Variants in WWOX observed in about 807,000 individuals in gnomAD.
WWOX encodes WW domain containing oxidoreductase.
Under a neutral mutation model 46.2 loss-of-function variants are expected in WWOX, and 69 were observed. The observed-to-expected ratio is 1.49, with a 90% CI of 1.23 to 1.82. The LOEUF is 1.82. Among genes scored for constraint, WWOX ranks in the 40% most tolerant of loss-of-function variants. The probability of loss-of-function intolerance (pLI) is 0.00; values close to 1 mark genes in which losing one functional copy is unlikely to be tolerated. For missense variants in WWOX, 919 were observed against 542.6 expected (o/e 1.69, Z -6.89); for synonymous variants, 359 against 202.6 (o/e 1.77, Z -6.56).
intron 8 of WWOX, among the ~76,000 whole-genome samples, chr16:78,773,574 A>G (rs998079090): frequency 6.6e-6 from 1 of 152,220 alleles, no homozygotes; most frequent in Non-Finnish European, 1.5e-5. Context: ...GCTCTCACTT[A>G]TTCATAGCTC....
Position 79,212,356 on chromosome 16 carries a change from C to T in WWOX, c.*560C>T. ...AGCCAGTGAGGATGACAGTGACACC[C>T]AGAGGGAGTAGAATACGCAGAACTA... On this transcript the variant is annotated 3_prime_UTR_variant, in exon 9 of 9. Coordinates refer to ENST00000566780, the MANE Select transcript of WWOX (RefSeq NM_016373.4). 1 of 592,716 alleles carries T rather than the reference C, an allele frequency of 1.7e-6. No individual in the cohort carries two copies. 36.7% of individuals were successfully genotyped at this position (592,716 alleles called of 1,614,324 possible).
At chr16:78,842,680 A>G (rs2052189504) in intron 8 of WWOX, among the ~76,000 whole-genome samples, 1 of 152,090 alleles carries the variant, frequency 6.6e-6, no homozygotes, top group African/African-American at 2.4e-5. Flanking sequence ...CCAGGGAAAC[A>G]TAGTGTGACC....
At chr16:78,648,564 G>T (rs541384225) in intron 8 of WWOX, among the ~76,000 whole-genome samples, 1 of 152,142 alleles carries the variant, frequency 6.6e-6, no homozygotes, top group Non-Finnish European at 1.5e-5. Context: ...GACTTGGTCA[G>T]TAATGCCCAT....
At chr16:78,900,546 C>T (rs1484737258) in intron 8 of WWOX, among the ~76,000 whole-genome samples, 1 of 152,118 alleles carries the variant, frequency 6.6e-6, no homozygotes, top group Middle Eastern at 3.2e-3. Flanking sequence ...GCAGAGGTTC[C>T]AATTTGGATA....
At chr16:78,120,938 AT>A (rs1431846436) in intron 4 of WWOX, among the ~76,000 whole-genome samples, 1 of 150,952 alleles carries the variant, frequency 6.6e-6, no homozygotes, top group African/African-American at 2.4e-5. Context: ...CCATACCTAA[AT>A]GTTACTAAAT....
chr16:78,751,291 C>G lies in WWOX; in HGVS notation c.1056+318539C>G, dbSNP rs116223636. Reference sequence around the variant, plus strand: ...AAACTTTATGAATTATTTCTGACATCTAGCATTAAATTTAGCTGGGTTTCC... The same window carrying G: ...AAACTTTATGAATTATTTCTGACATGTAGCATTAAATTTAGCTGGGTTTCC... On this transcript the variant is annotated intron_variant, in intron 8 of 8. Transcript: ENST00000566780. Among the ~76,000 whole-genome samples the G allele has an allele frequency of 7.1e-3, 1,082 of 151,474 alleles. 7 individuals are homozygous for G. Among genetic ancestry groups the G allele is most frequent in the African/African-American group, 0.024 (982 of 41,342 alleles).
rs66479410 is a variant in WWOX at position 78,945,645 on chromosome 16, A to ATT, written c.1057-265955_1057-265954dup. ...CTGACTACTGGTTTTATTTCTAAGG[A>ATT]TTTTTTTTTAAGTTGGCATCTTTTT... On this transcript the variant is annotated intron_variant, in intron 8 of 8. Coordinates refer to ENST00000566780, the MANE Select transcript of WWOX (RefSeq NM_016373.4). Among the ~76,000 whole-genome samples the ATT allele has an allele frequency of 6.2e-3, 945 of 151,262 alleles. 13 individuals are homozygous for ATT. The highest frequency in any genetic ancestry group is 0.021 in the African/African-American group (852 of 41,198).
intron 8 of WWOX, among the ~76,000 whole-genome samples, chr16:78,538,004 G>T (rs181926360): frequency 1.2e-3 from 180 of 152,088 alleles, no homozygotes; most frequent in African/African-American, 4.0e-3. Flanking sequence ...TCTTGAAAAC[G>T]GAAAAGATGA....
At chr16:79,075,541 C>G (rs1343507795) in intron 8 of WWOX, among the ~76,000 whole-genome samples, 1 of 49,808 alleles carries the variant, frequency 2.0e-5, no homozygotes. Context: ...TTTTTCCTTT[C>G]TCTCTCTCTC....
chr16:78,704,029 T>G (rs1324904390), intron 8 of WWOX, among the ~76,000 whole-genome samples: 1 of 152,176 alleles, frequency 6.6e-6, no homozygotes, highest in Non-Finnish European at 1.5e-5. Context: ...CCATCACCCC[T>G]ATCCATCTCC....
At chr16:78,609,438 A>AT (rs2045844868) in intron 8 of WWOX, among the ~76,000 whole-genome samples, 1 of 151,362 alleles carries the variant, frequency 6.6e-6, no homozygotes, top group African/African-American at 2.4e-5. Context: ...CGATAGTCCT[A>AT]TTTTCTAAGT....
At chr16:78,527,400 T>G (rs1391804768) in intron 8 of WWOX, among the ~76,000 whole-genome samples, 2 of 151,906 alleles carry the variant, frequency 1.3e-5, no homozygotes, top group Non-Finnish European at 2.9e-5. Flanking sequence ...ATCAAGAGAT[T>G]TTCCTGCCTT....
At chr16:79,120,306 C>G (rs993114580) in intron 8 of WWOX, among the ~76,000 whole-genome samples, 10 of 152,156 alleles carry the variant, frequency 6.6e-5, no homozygotes, top group African/African-American at 2.4e-4. Context: ...TCAAGGTATG[C>G]TCAAGCTATT....
chr16:78,632,985 A>G (rs2046473117), intron 8 of WWOX, among the ~76,000 whole-genome samples: 1 of 152,128 alleles, frequency 6.6e-6, no homozygotes, highest in Admixed American at 6.5e-5. Context: ...TAAGGTGGCC[A>G]GGCATGGTGG....
At chr16:78,723,990 A>G (rs1260371104) in intron 8 of WWOX, among the ~76,000 whole-genome samples, 1 of 152,108 alleles carries the variant, frequency 6.6e-6, no homozygotes, top group South Asian at 2.1e-4. Flanking sequence ...GTACCCTCTG[A>G]TTCAGGCTCA....
chr16:78,923,102 C>T (rs1193424907), intron 8 of WWOX, among the ~76,000 whole-genome samples: 1 of 151,676 alleles, frequency 6.6e-6, no homozygotes, highest in Non-Finnish European at 1.5e-5. Flanking sequence ...CTGCCTCAGC[C>T]TTGCGAGTAG....
intron 8 of WWOX, among the ~76,000 whole-genome samples, chr16:78,453,203 T>C (rs117460804): frequency 0.12 from 18,132 of 151,944 alleles, 1,669 homozygotes; most frequent in African/African-American, 0.25. Flanking sequence ...GTGGGAGGAT[T>C]ACCTAAGGTC....
chr16:78,426,942 G>T (rs1042548242), intron 7 of WWOX, among the ~76,000 whole-genome samples: 1 of 152,196 alleles, frequency 6.6e-6, no homozygotes, highest in Non-Finnish European at 1.5e-5. Flanking sequence ...GATTACAGGC[G>T]TGAGCCACCA....
intron 5 of WWOX, among the ~76,000 whole-genome samples, chr16:78,234,585 C>G (rs980515624): frequency 6.6e-6 from 1 of 152,148 alleles, no homozygotes; most frequent in African/African-American, 2.4e-5. Context: ...TTGGAAAACT[C>G]CTAGACTTGA....
Sources: allele counts gnomAD v4.1 joint callset (sites outside exome capture counted in the v4.1 genomes callset), GRCh38; gene constraint gnomAD v4.1.1; transcripts MANE v1.5; gene names NCBI Gene and HGNC (gene_info 2026-07-23, HGNC 2026-07-21).